The following AGAP1 variants were observed in gnomAD, a reference collection of about 807,000 sequenced individuals.
The protein encoded by AGAP1 is arf-GAP with GTPase, ANK repeat and PH domain-containing protein 1.
Under a neutral mutation model 105.3 loss-of-function variants are expected in AGAP1, and 29 were observed. The observed-to-expected ratio is 0.28, with a 90% CI of 0.21 to 0.38. The LOEUF (loss-of-function observed/expected upper bound fraction) is 0.38, where lower values mean the gene tolerates loss of function less well. AGAP1 is among the 10% of genes least tolerant of loss of function. AGAP1 has a pLI of 1.00. For synonymous variants in AGAP1, 509 were observed against 485.9 expected (o/e 1.05, Z -0.63); for missense variants, 998 against 1,165.1 (o/e 0.86, Z 2.09).
Position 236,001,720 on chromosome 2 carries a change from C to A in AGAP1, c.1645+33097C>A, listed in dbSNP as rs763044801. ...GTTTTGTTTCTGTATAAGATCATACCATGTATATTCTGGAATTTTACTTTT... is the reference window on the plus strand; with the variant it reads ...GTTTTGTTTCTGTATAAGATCATACAATGTATATTCTGGAATTTTACTTTT... On this transcript the variant is annotated intron_variant, in intron 13 of 17. Transcript: ENST00000304032. The surrounding 1 kb of genome is among the most constrained non-coding windows in gnomAD (Gnocchi z 4.7). Among the ~76,000 whole-genome samples the A allele has an allele frequency of 6.6e-6, 1 of 152,128 alleles. No individual in the cohort carries two copies. The highest frequency in any genetic ancestry group is 1.5e-5 in the Non-Finnish European group (1 of 68,030).
intron 4 of AGAP1, among the ~76,000 whole-genome samples, chr2:235,743,591 C>G (rs1952715767): frequency 6.6e-6 from 1 of 152,142 alleles, no homozygotes; most frequent in South Asian, 2.1e-4. Context: ...TTGTATTTAT[C>G]ACTAGAACTT....
chr2:235,878,150 C>T (rs571423887), intron 9 of AGAP1, among the ~76,000 whole-genome samples: 3 of 152,202 alleles, frequency 2.0e-5, no homozygotes, highest in Non-Finnish European at 2.9e-5. Flanking sequence ...GCTGCTGGAT[C>T]CTAAGATCCA....
At chr2:236,117,009 G>A (rs1352349735) in intron 16 of AGAP1, among the ~76,000 whole-genome samples, 1 of 152,126 alleles carries the variant, frequency 6.6e-6, no homozygotes, top group Non-Finnish European at 1.5e-5. Context: ...GTTGATTGAT[G>A]GCCATTGGGG....
At chr2:236,069,086 T>C (rs149796671) in intron 16 of AGAP1, among the ~76,000 whole-genome samples, 1,998 of 146,778 alleles carry the variant, frequency 0.014, 35 homozygotes, top group African/African-American at 0.047. Flanking sequence ...GAGATCACGC[T>C]AGTGCGCTCC....
chr2:235,877,436 C>T lies in AGAP1; in HGVS notation c.1051-5909C>T, dbSNP rs1009175309. The stretch of plus-strand genomic sequence containing the variant: ...CAGGCTCCTTTGGTGTCAGCTGCCT[C>T]GTGACCGTATCACGTGGTGACCCCA... On this transcript the variant is annotated intron_variant, in intron 9 of 17. Coordinates refer to ENST00000304032, the MANE Select transcript of AGAP1 (RefSeq NM_001037131.3). This position sits in a 1 kb window ranked among gnomAD's most constrained non-coding sequence, Gnocchi z 4.3. Among the ~76,000 whole-genome samples, 9 of 152,152 alleles carry T rather than the reference C, an allele frequency of 5.9e-5. No homozygotes were observed. The highest frequency in any genetic ancestry group is 2.1e-4 in the South Asian group (1 of 4,828).
chr2:235,749,210 T>TTAAA lies in AGAP1; in HGVS notation c.539-1144_539-1143insTAAA, dbSNP rs1553621044. Among the ~76,000 whole-genome samples, 80 of 148,866 alleles carry TTAAA rather than the reference T, an allele frequency of 5.4e-4. 1 individual carries two copies. The highest frequency in any genetic ancestry group is 1.9e-3 in the African/African-American group (78 of 40,328). ...GCGACACAGTGAGACTCCATCTCAT[T>TTAAA]AAAAAAAAAGAAAAAAAAAGCTGTC... On this transcript the variant is annotated intron_variant, in intron 5 of 17. Coordinates refer to ENST00000304032, the MANE Select transcript of AGAP1 (RefSeq NM_001037131.3).
rs1197457315 is a variant in AGAP1 at position 235,517,158 on chromosome 2, C to T, written c.163+22309C>T. 1.3e-5 allele frequency among the ~76,000 whole-genome samples: 2 copies of T among 152,180 alleles called. No individual in the cohort carries two copies. The highest frequency in any genetic ancestry group is 2.9e-5 in the Non-Finnish European group (2 of 68,032). ...CTTCCCATTCTGTGCCTCACCTGGT[C>T]TTTTCCGTGTGTGTGGTCTTCAGTG... is the stretch of plus-strand genomic sequence containing the variant. On this transcript the variant is annotated intron_variant, in intron 1 of 17. Coordinates refer to ENST00000304032, the MANE Select transcript of AGAP1 (RefSeq NM_001037131.3). The surrounding 1 kb of genome is among the most constrained non-coding windows in gnomAD (Gnocchi z 4.1).
Position 236,114,204 on chromosome 2 carries a change from T to C in AGAP1, c.2115-5988T>C, listed in dbSNP as rs192436393. 8.0e-4 allele frequency among the ~76,000 whole-genome samples: 122 copies of C among 152,216 alleles called. No individual in the cohort carries two copies. Among genetic ancestry groups the C allele is most frequent in the Middle Eastern group, 3.4e-3 (1 of 294 alleles). ...AGGTGATCTACTGCCGGCTGCCTGCTCTTGAACTGGCCTTCCTTGGGGAAA... is the reference window on the plus strand; with the variant it reads ...AGGTGATCTACTGCCGGCTGCCTGCCCTTGAACTGGCCTTCCTTGGGGAAA... On this transcript the variant is annotated intron_variant, in intron 16 of 17. Coordinates refer to ENST00000304032, the MANE Select transcript of AGAP1 (RefSeq NM_001037131.3). The surrounding 1 kb of genome is among the most constrained non-coding windows in gnomAD (Gnocchi z 5.0).
In AGAP1 at chr2:236,053,526, G is replaced by A. The variant is rs2057968631; in HGVS notation, c.2114+4245G>A. On this transcript the variant is annotated intron_variant, in intron 16 of 17. Transcript: ENST00000304032. The surrounding 1 kb of genome is among the most constrained non-coding windows in gnomAD (Gnocchi z 4.6). ...GTCCCCATTGCACTTAAAAACATTT[G>A]GGATTGGCTGCAGTGCAAGTGATTT... Among the ~76,000 whole-genome samples the A allele has an allele frequency of 6.6e-6, 1 of 152,250 alleles. No individual in the cohort carries two copies. Among genetic ancestry groups the A allele is most frequent in the African/African-American group, 2.4e-5 (1 of 41,470 alleles).
intron 1 of AGAP1, among the ~76,000 whole-genome samples, chr2:235,568,344 C>A (rs185874784): frequency 6.6e-6 from 1 of 152,206 alleles, no homozygotes; most frequent in Non-Finnish European, 1.5e-5. Flanking sequence ...AGGCACTTTG[C>A]GGAGCATGGA....
rs576706194 is a variant in AGAP1, at chr2:236,083,112, G to A, written c.2114+33831G>A. Among the ~76,000 whole-genome samples the A allele has an allele frequency of 9.2e-5, 14 of 151,676 alleles. No homozygotes were observed. In the East Asian group the frequency reaches 1.6e-3, roughly 17 times the overall value. On this transcript the variant is annotated intron_variant, in intron 16 of 17. Transcript: ENST00000304032. This position sits in a 1 kb window ranked among gnomAD's most constrained non-coding sequence, Gnocchi z 5.3. ...ATAGGTTGCAGTGAGCCGAGATCAC[G>A]CCATTGCACTCCAGCCTAGGCAACG...
chr2:235,565,510 GC>G (rs1201226849), intron 1 of AGAP1, among the ~76,000 whole-genome samples: 17 of 152,326 alleles, frequency 1.1e-4, no homozygotes, highest in African/African-American at 4.1e-4. Context: ...GAAAGGTGGG[GC>G]GGGGCTCACA....
intron 9 of AGAP1, among the ~76,000 whole-genome samples, chr2:235,863,365 A>G (rs1446246034): frequency 6.6e-6 from 1 of 152,254 alleles, no homozygotes; most frequent in Non-Finnish European, 1.5e-5. Context: ...TTAACCTAGT[A>G]TATCCAGTGT....
intron 11 of AGAP1, among the ~76,000 whole-genome samples, chr2:235,917,579 G>T (rs1460272641): frequency 6.6e-6 from 1 of 152,110 alleles, no homozygotes; most frequent in Non-Finnish European, 1.5e-5. Flanking sequence ...AGGGACCGGG[G>T]TAATAAGGAG....
intron 9 of AGAP1, among the ~76,000 whole-genome samples, chr2:235,854,775 C>G (rs1479246695): frequency 6.6e-6 from 1 of 152,192 alleles, no homozygotes; most frequent in Non-Finnish European, 1.5e-5. Context: ...GGCTGTTTCC[C>G]CTGGTTTCGC....
chr2:235,868,071 T>G (rs1005386506), intron 9 of AGAP1, among the ~76,000 whole-genome samples: 2 of 152,206 alleles, frequency 1.3e-5, no homozygotes. Flanking sequence ...TTGACCTATT[T>G]TAGAACTTCA....
rs536734471 is a variant in AGAP1 at position 235,841,510 on chromosome 2, T to C, written c.1050+34179T>C. Among the ~76,000 whole-genome samples, 4 of 152,114 alleles carry C rather than the reference T, an allele frequency of 2.6e-5. No homozygotes were observed. In the East Asian group the frequency reaches 7.7e-4, roughly 29 times the overall value. Reference sequence around the variant, plus strand: ...CAGGCATGGTGGTGTGCACCTGTGGTCCCAGCTACTCTGGAGGCTGAGGTA... The same window carrying C: ...CAGGCATGGTGGTGTGCACCTGTGGCCCCAGCTACTCTGGAGGCTGAGGTA... On this transcript the variant is annotated intron_variant, in intron 9 of 17. Coordinates refer to ENST00000304032, the MANE Select transcript of AGAP1 (RefSeq NM_001037131.3).
At chr2:236,011,794 G>A (rs1162696940) in intron 13 of AGAP1, among the ~76,000 whole-genome samples, 1 of 152,010 alleles carries the variant, frequency 6.6e-6, no homozygotes, top group Non-Finnish European at 1.5e-5. Flanking sequence ...TGAAGTCCCC[G>A]AGAATCGCCT....
intron 1 of AGAP1, among the ~76,000 whole-genome samples, chr2:235,504,238 C>T (rs2149008427): frequency 6.6e-6 from 1 of 152,316 alleles, no homozygotes; most frequent in East Asian, 1.9e-4. Flanking sequence ...GACCAGCATC[C>T]AGTTCAGTGG....
Sources: allele counts gnomAD v4.1 joint callset (sites outside exome capture counted in the v4.1 genomes callset), GRCh38; gene constraint gnomAD v4.1.1; non-coding constraint Gnocchi (gnomAD v3.1); transcripts MANE v1.5; gene names NCBI Gene and HGNC (gene_info 2026-07-23, HGNC 2026-07-21).